Variants in FAT3 observed in about 807,000 individuals in gnomAD.
FAT3 encodes the protein protocadherin Fat 3.
A neutral mutation model predicts 310.2 loss-of-function variants in FAT3; 95 were observed. The ratio of observed to expected loss-of-function variants is 0.31; its 90% CI spans 0.26 to 0.36. The LOEUF (loss-of-function observed/expected upper bound fraction) is 0.36, where lower values mean the gene tolerates loss of function less well. Ranked by LOEUF, FAT3 falls within the 10% of genes least tolerant of loss-of-function variation. The pLI, the probability that FAT3 is intolerant of heterozygous loss-of-function variation, is 1.00. For missense variants in FAT3, 5,408 were observed against 5,715.6 expected, an observed-to-expected ratio of 0.95 and a Z score of 1.74; for synonymous variants, 2,314 against 2,192.9, an observed-to-expected ratio of 1.06 and a Z score of -1.54.
Position 92,291,119 on chromosome 11 carries a change from G to GCA in FAT3, c.-17-60975_-17-60974dup, listed in dbSNP as rs1555002226. On this transcript the variant is annotated intron_variant, in intron 1 of 27. Transcript: ENST00000525166. ...CACACACACACACACACACACACAT[G>GCA]CACGCGCGCAGAAGTAGGTGGGTAT... Among the ~76,000 whole-genome samples, 67 of 28,820 alleles carry GCA rather than the reference G, an allele frequency of 2.3e-3. No homozygotes were observed. In the East Asian group the frequency reaches 0.047, roughly 20 times the overall value. 18.9% of individuals were successfully genotyped at this position (28,820 alleles called of 152,430 possible).
chr11:92,446,931 C>A (rs1951226307), intron 2 of FAT3, among the ~76,000 whole-genome samples: 1 of 152,102 alleles, frequency 6.6e-6, no homozygotes, highest in African/African-American at 2.4e-5. Flanking sequence ...TAGATTTGAA[C>A]TTGCAGTTTT....
intron 3 of FAT3, among the ~76,000 whole-genome samples, chr11:92,693,182 A>T (rs1353769708): frequency 6.6e-6 from 1 of 152,190 alleles, no homozygotes; most frequent in Non-Finnish European, 1.5e-5. Context: ...AGTATCATTC[A>T]CTTAGGACTG....
intron 2 of FAT3, among the ~76,000 whole-genome samples, chr11:92,516,026 C>G (rs987794511): frequency 2.6e-5 from 4 of 152,124 alleles, no homozygotes; most frequent in Non-Finnish European, 5.9e-5. Context: ...AGCCCAGGAT[C>G]AGACAGATTC....
intron 1 of FAT3, among the ~76,000 whole-genome samples, chr11:92,254,139 C>T (rs1465365995): frequency 6.6e-6 from 1 of 152,136 alleles, no homozygotes; most frequent in Non-Finnish European, 1.5e-5. Flanking sequence ...CTCGTTCTTT[C>T]TCCCCAGTAT....
intron 1 of FAT3, among the ~76,000 whole-genome samples, chr11:92,240,074 T>G (rs188444706): frequency 2.4e-4 from 37 of 152,262 alleles, no homozygotes; most frequent in African/African-American, 8.2e-4. Context: ...CAGCTAAAAG[T>G]TCACTTTCAT....
chr11:92,560,595 C>G (rs534086621), intron 3 of FAT3, among the ~76,000 whole-genome samples: 4 of 152,068 alleles, frequency 2.6e-5, no homozygotes, highest in Non-Finnish European at 4.4e-5. Context: ...GGCATATTCT[C>G]TGGTTGTAGA....
chr11:92,613,187 A>G (rs542459197), intron 3 of FAT3, among the ~76,000 whole-genome samples: 15 of 152,188 alleles, frequency 9.9e-5, no homozygotes, highest in African/African-American at 3.6e-4. Context: ...ATTGTTTAGA[A>G]TAATGCCTCT....
chr11:92,763,604 C>T (rs1480090324), intron 5 of FAT3, among the ~76,000 whole-genome samples: 5 of 152,170 alleles, frequency 3.3e-5, no homozygotes, highest in Non-Finnish European at 5.9e-5. Context: ...TCTAGCAGCC[C>T]ACAGCCACTG....
chr11:92,302,845 GTT>G (rs1292223653), intron 1 of FAT3, among the ~76,000 whole-genome samples: 2 of 152,076 alleles, frequency 1.3e-5, no homozygotes, highest in East Asian at 3.9e-4. Flanking sequence ...TGTGGGTTTA[GTT>G]TAATTTTATT....
At chr11:92,634,060 C>T (rs1432118915) in intron 3 of FAT3, among the ~76,000 whole-genome samples, 1 of 152,214 alleles carries the variant, frequency 6.6e-6, no homozygotes, top group African/African-American at 2.4e-5. Context: ...CCTCTGTCCA[C>T]TGCTGACTAG....
chr11:92,816,682 G>T (rs1228745678), intron 13 of FAT3, among the ~76,000 whole-genome samples: 1 of 152,148 alleles, frequency 6.6e-6, no homozygotes, highest in Admixed American at 6.6e-5. Context: ...GGCTTTAGAA[G>T]TAAAAGGAAA....
chr11:92,435,630 A>G (rs1382176753), intron 2 of FAT3, among the ~76,000 whole-genome samples: 1 of 144,312 alleles, frequency 6.9e-6, no homozygotes, highest in Admixed American at 7.2e-5. Context: ...CAGTGGTGCC[A>G]TCTTGGCTCA....
chr11:92,839,174 C>T (rs746389369), intron 17 of FAT3, among the ~76,000 whole-genome samples: 6 of 152,158 alleles, frequency 3.9e-5, no homozygotes, highest in Non-Finnish European at 7.3e-5. Context: ...TTTTCAAATG[C>T]GCAACAGGAG....
intron 4 of FAT3, among the ~76,000 whole-genome samples, chr11:92,753,798 G>GTGTGTGTGTGTGTGTGTGTATATATATA: frequency 8.4e-6 from 1 of 119,116 alleles, no homozygotes; most frequent in African/African-American, 3.9e-5. Context: ...GTGTGTGTGT[G>GTGTGTGTGTGTGTGTGTGTATATATATA]TATATATATA....
intron 2 of FAT3, among the ~76,000 whole-genome samples, chr11:92,407,289 C>T (rs574339928): frequency 2.0e-5 from 3 of 152,154 alleles, no homozygotes; most frequent in South Asian, 4.2e-4. Context: ...GATGGAGGCT[C>T]CGGTATGCTA....
intron 1 of FAT3, among the ~76,000 whole-genome samples, chr11:92,305,556 A>C (rs1222495659): frequency 2.0e-5 from 3 of 152,162 alleles, no homozygotes; most frequent in African/African-American, 7.2e-5. Flanking sequence ...AAAACCTAGC[A>C]AACACCAGCT....
chr11:92,638,411 C>T (rs1941845283), intron 3 of FAT3, among the ~76,000 whole-genome samples: 1 of 152,146 alleles, frequency 6.6e-6, no homozygotes, highest in South Asian at 2.1e-4. Flanking sequence ...CCAGTGTATT[C>T]CACTGTGATT....
chr11:92,489,680 A>G (rs75398682), intron 2 of FAT3, among the ~76,000 whole-genome samples: 2,883 of 152,200 alleles, frequency 0.019, 49 homozygotes, highest in African/African-American at 0.046. Context: ...CCAGATGCTA[A>G]TAGGACATCA....
At position 92,867,167 on chromosome 11, in the gene FAT3, C is replaced by A. The variant is rs2136352779; in HGVS notation, c.12085C>A (p.Pro4029Thr). 1 of 1,594,582 alleles carries A rather than the reference C, an allele frequency of 6.3e-7. No individual in the cohort carries two copies. Among genetic ancestry groups the A allele is most frequent in the Non-Finnish European group, 8.5e-7 (1 of 1,172,898 alleles). The change falls in exon 22 of 28, where the codon CCG becomes ACG. Residue 4029 changes from proline to threonine, a missense_variant. Physicochemically the swap from Pro to Thr is conservative, Grantham distance 38. Transcript: ENST00000525166. The part of the protein sequence containing the change: ...VLYPDACKRS[P>T]CQHGGSCTGL... ...CTATCCCGACGCCTGCAAGCGCAGC[C>A]CGTGCCAGCACGGGGGCAGCTGCAC...
Sources: gnomAD v4.1 joint callset for allele counts (sites outside exome capture counted in the v4.1 genomes callset) on GRCh38, gnomAD v4.1.1 for gene constraint, MANE v1.5 for transcripts, NCBI Gene and HGNC (gene_info 2026-07-23, HGNC 2026-07-21) for gene names.